NOS1: variants seen among roughly 807,000 people sequenced by gnomAD.
The protein encoded by NOS1 is NOS type I.
Under a neutral mutation model 164.5 loss-of-function variants are expected in NOS1, and 51 were observed. That is an observed-to-expected ratio of 0.31 (90% CI 0.25 to 0.39). NOS1 has a LOEUF of 0.39. Among genes scored for constraint, NOS1 ranks in the 10% least tolerant of loss-of-function variants. The pLI is 1.00. For missense variants in NOS1, 1,362 were observed against 1,885.6 expected (o/e 0.72, Z 5.14); for synonymous variants, 719 against 745.8 (o/e 0.96, Z 0.59).
At chr12:117,225,763 T>A (rs527919012) in intron 24 of NOS1, among the ~76,000 whole-genome samples, 1 of 152,236 alleles carries the variant, frequency 6.6e-6, no homozygotes, top group South Asian at 2.1e-4. Flanking sequence ...GTAGCTGGGA[T>A]TACAGGCACC....
intron 1 of NOS1, among the ~76,000 whole-genome samples, chr12:117,340,944 C>T (rs568915444): frequency 2.9e-5 from 4 of 139,014 alleles, no homozygotes; most frequent in South Asian, 2.3e-4. Context: ...AGGCTGGTCT[C>T]GAACTCCTAT....
intron 2 of NOS1, among the ~76,000 whole-genome samples, chr12:117,318,450 C>T (rs2136061877): frequency 6.6e-6 from 1 of 152,322 alleles, no homozygotes; most frequent in South Asian, 2.1e-4. Context: ...ATTTTCTATG[C>T]TTTCTGGCAA....
At chr12:117,309,477 G>A (rs773962249) in intron 3 of NOS1, 5 of 684,262 alleles carry the variant, frequency 7.3e-6, no homozygotes, top group Non-Finnish European at 9.0e-6. Flanking sequence ...GCCATCTGTA[G>A]GCCAAGCATC....
chr12:117,343,429 T>C (rs1876209497), intron 1 of NOS1, among the ~76,000 whole-genome samples: 1 of 152,210 alleles, frequency 6.6e-6, no homozygotes, highest in African/African-American at 2.4e-5. Flanking sequence ...TTTCCATAAT[T>C]CTGAGAATTC....
intron 27 of NOS1, among the ~76,000 whole-genome samples, chr12:117,219,343 G>A (rs765910031): frequency 6.6e-6 from 1 of 150,392 alleles, no homozygotes. Flanking sequence ...CCTCACTCTC[G>A]TCGCCCAGGC....
chr12:117,229,033 G>A (rs968132350), intron 22 of NOS1, among the ~76,000 whole-genome samples: 1 of 152,152 alleles, frequency 6.6e-6, no homozygotes, highest in African/African-American at 2.4e-5. Flanking sequence ...CACCCACCTC[G>A]GCCTCCCAAA....
At chr12:117,224,928 C>T in intron 25 of NOS1, 88 bp downstream of exon 25, 1 of 1,553,626 alleles carries the variant, frequency 6.4e-7, no homozygotes, top group Non-Finnish European at 8.9e-7. Flanking sequence ...GGAGAGACAC[C>T]TTCACTGTTC....
At chr12:117,294,454 A>G (rs1873281880) in intron 3 of NOS1, among the ~76,000 whole-genome samples, 1 of 151,930 alleles carries the variant, frequency 6.6e-6, no homozygotes, top group East Asian at 1.9e-4. Flanking sequence ...GAGCCGTGCC[A>G]CCCTCCGCCC....
Position 117,242,630 on chromosome 12 carries a change from G to A in NOS1, c.3038C>T (p.Ser1013Phe). Residue 1013 changes from serine to phenylalanine, a missense_variant, in exon 20 of 29, where the codon TCC becomes TTC. By Grantham distance (155) the Ser-to-Phe change is radical (BLOSUM62 -2). Around this residue, in one of 4 missense-constraint regions of NOS1, gnomAD observed 737 missense variants for 1,030.3 expected, o/e 0.72. Transcript: ENST00000317775. ...CAGTGAACCAAGATGTTCCTACCTG[G>A]ATTTAGGGCTCTGGAGGTTTTGACG... ...LSRQNLQSPK[S>F]SRSTIFVRLH... The A allele has an allele frequency of 6.2e-7, 1 of 1,613,954 alleles. No homozygotes were observed. The highest frequency in any genetic ancestry group is 8.5e-7 in the Non-Finnish European group (1 of 1,179,804).
intron 1 of NOS1, among the ~76,000 whole-genome samples, chr12:117,357,501 G>A (rs1876909020): frequency 1.3e-5 from 2 of 152,358 alleles, no homozygotes; most frequent in East Asian, 1.9e-4. Context: ...TGGACAATAA[G>A]TCAAGACACT....
chr12:117,280,931 C>A, intron 7 of NOS1, 65 bp from the exon 8 acceptor site: 1 of 1,563,136 alleles, frequency 6.4e-7, no homozygotes, highest in Non-Finnish European at 8.7e-7. Context: ...ACATACTAAA[C>A]ATGGCGCCAC....
intron 20 of NOS1, among the ~76,000 whole-genome samples, chr12:117,240,898 C>G (rs1031033501): frequency 6.6e-6 from 1 of 151,788 alleles, no homozygotes; most frequent in Non-Finnish European, 1.5e-5. Context: ...CAAACCGGCT[C>G]TGTCCATCCA....
At chr12:117,256,301 C>T (rs1179501671) in intron 16 of NOS1, among the ~76,000 whole-genome samples, 3 of 40,672 alleles carry the variant, frequency 7.4e-5, no homozygotes, top group African/African-American at 8.6e-4. Context: ...TTTTTTGAGA[C>T]GGAGTCTCAC....
At chr12:117,305,248 G>A (rs990040367) in intron 3 of NOS1, among the ~76,000 whole-genome samples, 3 of 152,156 alleles carry the variant, frequency 2.0e-5, no homozygotes, top group African/African-American at 4.8e-5. Context: ...GGATCACAAG[G>A]TCAGGAGATC....
intron 10 of NOS1, among the ~76,000 whole-genome samples, chr12:117,271,069 A>C (rs577287760): frequency 1.3e-5 from 2 of 152,030 alleles, no homozygotes; most frequent in Non-Finnish European, 2.9e-5. Context: ...AAAAGAAAGA[A>C]AGAAAAAAGT....
At chr12:117,240,944 T>TA (rs1592941898) in intron 20 of NOS1, among the ~76,000 whole-genome samples, 1 of 149,826 alleles carries the variant, frequency 6.7e-6, no homozygotes, top group Non-Finnish European at 1.5e-5. Context: ...TCTTTTTCTT[T>TA]TTTTTTTTTT....
At chr12:117,277,079 T>G (rs1873246907) in intron 9 of NOS1, among the ~76,000 whole-genome samples, 1 of 152,162 alleles carries the variant, frequency 6.6e-6, no homozygotes, top group Non-Finnish European at 1.5e-5. Flanking sequence ...CCATAGTGGT[T>G]GTACTAATTT....
chr12:117,242,134 T>C (rs1870227449), intron 20 of NOS1, among the ~76,000 whole-genome samples: 1 of 152,248 alleles, frequency 6.6e-6, no homozygotes, highest in African/African-American at 2.4e-5. Flanking sequence ...ATATTGGTTA[T>C]ATTGGATATT....
intron 1 of NOS1, among the ~76,000 whole-genome samples, chr12:117,337,104 C>CTATTTTTTTTTTTTTTTTTTTTTTT (rs1566082153): frequency 1.1e-5 from 1 of 94,074 alleles, no homozygotes. Flanking sequence ...CTGCTTTTTA[C>CTATTTTTTTTTTTTTTTTTTTTTTT]TCTTTTTTTT....
Sources: gnomAD v4.1 joint callset for allele counts (sites outside exome capture counted in the v4.1 genomes callset) on GRCh38, gnomAD v4.1.1 for gene constraint, gnomAD v4.1.1 regional missense constraint, MANE v1.5 for transcripts, NCBI Gene and HGNC (gene_info 2026-07-23, HGNC 2026-07-21) for gene names.